Variants in GPC3 observed in about 807,000 individuals in gnomAD.
The protein encoded by GPC3 is glypican 3, also known as glypican-3.
In GPC3, 3 loss-of-function variants were observed where a neutral mutation model predicts 34.4. The ratio of observed to expected loss-of-function variants is 0.09; its 90% CI spans 0.04 to 0.23. GPC3 has a LOEUF of 0.23. Ranked by LOEUF, GPC3 falls within the 10% of genes least tolerant of loss-of-function variation. The probability of loss-of-function intolerance (pLI) is 1.00; values close to 1 mark genes in which losing one functional copy is unlikely to be tolerated. For synonymous variants in GPC3, 177 were observed against 174.0 expected (o/e 1.02, Z -0.13); for missense variants, 351 against 445.6 (o/e 0.79, Z 1.91).
At chrX:133,816,078 T>C (rs2075690014) in intron 2 of GPC3, among the ~76,000 whole-genome samples, 1 of 110,759 alleles carries the variant, frequency 9.0e-6, no homozygotes, top group Non-Finnish European at 1.9e-5. Context: ...TGAGATGGGA[T>C]CTCCTTCTGT....
At chrX:133,763,177 AG>A in intron 2 of GPC3, 1 of 688,733 alleles carries the variant, frequency 1.5e-6, no homozygotes, top group Non-Finnish European at 2.3e-6. Context: ...TACTGACCCC[AG>A]GGCTGACCAC....
chrX:133,849,435 C>T (rs2075862645), intron 2 of GPC3, among the ~76,000 whole-genome samples: 1 of 111,526 alleles, frequency 9.0e-6, no homozygotes, highest in African/African-American at 3.3e-5. Context: ...TGGAGGTACA[C>T]CCATACTGAC....
intron 3 of GPC3, among the ~76,000 whole-genome samples, chrX:133,731,397 G>T (rs761339711): frequency 8.9e-6 from 1 of 112,651 alleles, no homozygotes; most frequent in Non-Finnish European, 1.9e-5. Flanking sequence ...TAGCCATATA[G>T]TACAAAAGCA....
At chrX:133,877,447 C>A (rs1238926816) in intron 2 of GPC3, among the ~76,000 whole-genome samples, 1 of 111,931 alleles carries the variant, frequency 8.9e-6, no homozygotes, top group Non-Finnish European at 1.9e-5. Flanking sequence ...AAGGATAATG[C>A]CAACCATTCT....
At chrX:133,650,660 C>T (rs140177629) in intron 6 of GPC3, among the ~76,000 whole-genome samples, 2 of 110,994 alleles carry the variant, frequency 1.8e-5, no homozygotes, top group Admixed American at 9.6e-5. Context: ...AAACTGGAAA[C>T]GTTGTAGTCT....
chrX:133,705,239 G>T (rs1292313888), intron 3 of GPC3, among the ~76,000 whole-genome samples: 23 of 111,278 alleles, frequency 2.1e-4, no homozygotes, highest in Non-Finnish European at 4.3e-4. Flanking sequence ...TTGCTCTGTT[G>T]CCCAGGCTGG....
At chrX:133,652,837 C>T (rs1163669191) in intron 6 of GPC3, among the ~76,000 whole-genome samples, 2 of 112,383 alleles carry the variant, frequency 1.8e-5, no homozygotes, top group African/African-American at 3.2e-5. Context: ...CAGCTCAGCA[C>T]TTTGTTTTCA....
At chrX:133,901,522 C>T (rs756785026) in intron 2 of GPC3, among the ~76,000 whole-genome samples, 115 of 111,302 alleles carry the variant, frequency 1.0e-3, no homozygotes, top group Non-Finnish European at 1.6e-3. Flanking sequence ...CTCACTGCAA[C>T]CTCCACCTCC....
At chrX:133,831,046 A>C (rs2075773208) in intron 2 of GPC3, among the ~76,000 whole-genome samples, 1 of 111,679 alleles carries the variant, frequency 9.0e-6, no homozygotes, top group Non-Finnish European at 1.9e-5. Flanking sequence ...CAATGTTCTC[A>C]AAGTTAAAAA....
At chrX:133,861,158 C>A (rs775565987) in intron 2 of GPC3, among the ~76,000 whole-genome samples, 1 of 111,217 alleles carries the variant, frequency 9.0e-6, no homozygotes, top group African/African-American at 3.3e-5. Context: ...TATCAGCATA[C>A]GTATAAAACT....
At chrX:133,951,120 GGA>G (rs1322455809) in intron 2 of GPC3, among the ~76,000 whole-genome samples, 6 of 97,059 alleles carry the variant, frequency 6.2e-5, no homozygotes. Context: ...AGAGAGAAAG[GGA>G]GAGAGAGATA....
chrX:133,697,477 A>G (rs2071128120), intron 4 of GPC3, among the ~76,000 whole-genome samples: 1 of 111,162 alleles, frequency 9.0e-6, no homozygotes, highest in Non-Finnish European at 1.9e-5. Context: ...CTTCAGGCTG[A>G]GCTCAAAAGT....
chrX:133,634,470 T>G (rs777548234), intron 6 of GPC3, among the ~76,000 whole-genome samples: 31 of 112,164 alleles, frequency 2.8e-4, no homozygotes, highest in Non-Finnish European at 4.9e-4. Context: ...ACAAAATGTA[T>G]ACCTGTACAA....
chrX:133,865,345 T>C (rs1337709571), intron 2 of GPC3, among the ~76,000 whole-genome samples: 1 of 112,217 alleles, frequency 8.9e-6, no homozygotes, highest in Non-Finnish European at 1.9e-5. Context: ...AGGTGGTATT[T>C]TGCCAAATAA....
At chrX:133,981,902 TTCCAA>T (rs2076541326) in intron 1 of GPC3, among the ~76,000 whole-genome samples, 1 of 112,158 alleles carries the variant, frequency 8.9e-6, no homozygotes, top group African/African-American at 3.2e-5. Flanking sequence ...TTCTCGCACT[TTCCAA>T]GGCCTTCCAA....
At chrX:133,574,939 C>T (rs1216563848) in intron 7 of GPC3, among the ~76,000 whole-genome samples, 1 of 111,919 alleles carries the variant, frequency 8.9e-6, no homozygotes. Context: ...GGCTGAAGCA[C>T]TTCCTGTGGG....
At chrX:133,922,835 A>G (rs1569455218) in intron 2 of GPC3, among the ~76,000 whole-genome samples, 2 of 111,268 alleles carry the variant, frequency 1.8e-5, no homozygotes, top group Admixed American at 9.6e-5. Flanking sequence ...TAAGGATGAC[A>G]GGGGTGACAA....
chrX:133,601,472 G>A lies in GPC3; in HGVS notation c.1414-4873C>T, dbSNP rs776852859. 3.6e-5 allele frequency among the ~76,000 whole-genome samples: 4 copies of A among 111,739 alleles called. No homozygotes were observed. The South Asian group carries it at 1.1e-3, about 31-fold the overall frequency. ...TCATCTATAAAATGAGAGAAATAAC[G>A]CCTGCCTCACAGAATTGTTGTAATA... On this transcript the variant is annotated intron_variant, in intron 6 of 7. Transcript: ENST00000370818.
At chrX:133,900,395 T>C (rs2076139022) in intron 2 of GPC3, among the ~76,000 whole-genome samples, 1 of 112,033 alleles carries the variant, frequency 8.9e-6, no homozygotes, top group Non-Finnish European at 1.9e-5. Flanking sequence ...CATCAAGTGG[T>C]GGTAGCAAGA....
Sources: gnomAD v4.1 joint callset for allele counts (sites outside exome capture counted in the v4.1 genomes callset) on GRCh38, gnomAD v4.1.1 for gene constraint, MANE v1.5 for transcripts, NCBI Gene and HGNC (gene_info 2026-07-23, HGNC 2026-07-21) for gene names.